Variants in PKD1 observed in about 807,000 individuals in gnomAD.
The protein encoded by PKD1 is polycystin-1.
Under a neutral mutation model 361.7 loss-of-function variants are expected in PKD1, and 81 were observed. That is an observed-to-expected ratio of 0.22 (90% CI 0.19 to 0.27). PKD1 has a LOEUF of 0.27. PKD1 is among the 10% of genes least tolerant of loss of function. PKD1 has a pLI of 1.00. For synonymous variants in PKD1, 3,615 were observed against 2,818.3 expected (o/e 1.28, Z -8.95); for missense variants, 6,399 against 6,118.3 (o/e 1.05, Z -1.53).
Position 2,107,963 on chromosome 16 carries a change from G to C in PKD1, c.6985C>G (p.Arg2329Gly). 1 of 1,548,098 alleles carries C rather than the reference G, an allele frequency of 6.5e-7. No individual in the cohort carries two copies. Among genetic ancestry groups the C allele is most frequent in the Non-Finnish European group, 8.7e-7 (1 of 1,147,088 alleles). The stretch of plus-strand genomic sequence containing the variant: ...GTGTACTCCACGCCAGCCGCCAGCC[G>C]CTCCCGTGGAATGGTGACCGTGCTG... Reference protein sequence around the residue: ...GSSTVTIPRERLAAGVEYTFS... With the variant: ...GSSTVTIPREGLAAGVEYTFS... Residue 2329 changes from arginine to glycine, a missense_variant, in exon 16 of 46, where the codon CGG becomes GGG. Coordinates refer to ENST00000262304, the MANE Select transcript of PKD1 (RefSeq NM_001009944.3).
intron 11 of PKD1, 44 bp from the exon 12 acceptor site, chr16:2,113,336 G>C (rs1274813344): frequency 1.0e-5 from 16 of 1,592,620 alleles, no homozygotes; most frequent in Non-Finnish European, 9.3e-6. Context: ...GGAGGACTCT[G>C]CCCTTAGCCT....
chr16:2,129,978 G>C (rs996302065), intron 1 of PKD1, among the ~76,000 whole-genome samples: 4 of 152,124 alleles, frequency 2.6e-5, no homozygotes, highest in Non-Finnish European at 5.9e-5. Flanking sequence ...GTGGGAGCTC[G>C]GGTGCCCCAC....
rs140154490 is a variant in PKD1 at position 2,090,558 on chromosome 16, G to A, written c.12171C>T (p.Ser4057=). ...ACAGCACCAACAGGGCCTGGGCCAC[G>A]CTCCAGAGGGAGTCCACACAGGAAG... is the stretch of plus-strand genomic sequence containing the variant. ...LVSSCVDSLW[S]VAQALLVLCP... The change falls in exon 45 of 46, where the codon AGC becomes AGT. Residue 4057 remains serine (S), a synonymous_variant. Transcript: ENST00000262304. The A allele has an allele frequency of 1.6e-5, 26 of 1,609,102 alleles. No individual in the cohort carries two copies. In the African/African-American group the frequency reaches 2.5e-4, roughly 16 times the overall value.
At position 2,100,717 on chromosome 16, in the gene PKD1, G is replaced by C; in HGVS notation, c.9398-151C>G. On this transcript the variant is annotated intron_variant, in intron 26 of 45. Transcript: ENST00000262304. The surrounding 1 kb of genome is among the most constrained non-coding windows in gnomAD (Gnocchi z 4.4). ...ACGGCTCTGCCATACACAAGGAGCT[G>C]CGGTTACTGCAATTTGTCCAATTAA... 1.6e-6 allele frequency: 1 copy of C among 640,828 alleles called. No homozygotes were observed. The highest frequency in any genetic ancestry group is 2.7e-5 in the East Asian group (1 of 37,320). The allele number at this position is 640,828 out of a possible 1,614,324, so 39.7% of individuals were successfully genotyped here.
At chr16:2,133,110 T>C (rs1421765021) in intron 1 of PKD1, 1 of 89,738 alleles carries the variant, frequency 1.1e-5, no homozygotes, top group African/African-American at 4.6e-5. Context: ...AAAAAACACA[T>C]GGGTCAGGAG....
In PKD1 at chr16:2,113,465, T is replaced by C. The variant is rs1481778453; in HGVS notation, c.2854-173A>G. 62 of 723,430 alleles carry C rather than the reference T, an allele frequency of 8.6e-5. No homozygotes were observed. In the East Asian group the frequency reaches 1.5e-3, roughly 18 times the overall value. The allele number at this position is 723,430 out of a possible 1,614,324, so 44.8% of individuals were successfully genotyped here. On this transcript the variant is annotated intron_variant, in intron 11 of 45. Coordinates refer to ENST00000262304, the MANE Select transcript of PKD1 (RefSeq NM_001009944.3). The stretch of plus-strand genomic sequence containing the variant: ...CAAGCCCGGGCTGGGACACTCACTG[T>C]CCGGCTCTCCAGCCAGCCATGTAGT...
intron 1 of PKD1, among the ~76,000 whole-genome samples, chr16:2,120,690 A>T (rs1360670136): frequency 6.6e-6 from 1 of 151,958 alleles, no homozygotes; most frequent in African/African-American, 2.4e-5. Flanking sequence ...CGACAGAGCA[A>T]GACCCGGTCT....
In PKD1 at chr16:2,109,045, C is replaced by T. The variant is rs751486062; in HGVS notation, c.6122G>A (p.Arg2041His). 3 of 1,607,934 alleles carry T rather than the reference C, an allele frequency of 1.9e-6. No homozygotes were observed. The highest frequency in any genetic ancestry group is 2.2e-5 in the South Asian group (2 of 90,974). The change falls in exon 15 of 46, where the codon CGC becomes CAC. Residue 2041 changes from arginine (R) to histidine (H), a missense_variant. Transcript: ENST00000262304. Reference protein sequence around the residue: ...VAAGLLEIQVRAFNALGSENR... With the variant: ...VAAGLLEIQVHAFNALGSENR... ...CTCACTGCCCAGGGCGTTGAAGGCGCGCACCTGGATCTCCAACAGCCCCGC... is the reference window on the plus strand; with the variant it reads ...CTCACTGCCCAGGGCGTTGAAGGCGTGCACCTGGATCTCCAACAGCCCCGC...
At position 2,089,583 on chromosome 16, in the gene PKD1, C is replaced by CACAG. The variant is rs777664625; in HGVS notation, c.*140_*143dup. 8.5e-6 allele frequency: 9 copies of CACAG among 1,052,732 alleles called. No individual in the cohort carries two copies. The highest frequency in any genetic ancestry group is 2.6e-5 in the East Asian group (1 of 38,204). 65.2% of individuals were successfully genotyped at this position (1,052,732 alleles called of 1,614,324 possible). A position where few individuals can be genotyped will look rare whatever the true frequency, so the allele number is the denominator to read the frequency against. The stretch of plus-strand genomic sequence containing the variant: ...ACAGCCTCTTTAAAGTGCTGAAGCC[C>CACAG]ACAGACAGACAGATGCCCCTGCCTG... On this transcript the variant is annotated 3_prime_UTR_variant, in exon 46 of 46. Transcript: ENST00000262304.
At chr16:2,096,882 G>A (rs919560923) in intron 34 of PKD1, 1 of 551,234 alleles carries the variant, frequency 1.8e-6, no homozygotes, top group African/African-American at 1.9e-5. Context: ...TAAAAACGTG[G>A]CCCCGGCCAG....
rs1461399170 is a variant in PKD1, at chr16:2,111,583, T to G, written c.3584A>C (p.Asn1195Thr). The change falls in exon 15 of 46, where the codon AAC becomes ACC. Residue 1195 changes from asparagine (N) to threonine (T), a missense_variant. Asn to Thr is a moderately conservative substitution (Grantham distance 65). Coordinates refer to ENST00000262304, the MANE Select transcript of PKD1 (RefSeq NM_001009944.3). ...CTGGGCCGCCGCACCGCTCACCGTG[T>G]TGTTGACCTCCAGGCGCACGTGGTA... ...GTYHVRLEVN[N>T]TVSGAAAQAD... is the part of the protein sequence containing the mutation. 1.9e-6 allele frequency: 3 copies of G among 1,575,690 alleles called. No individual in the cohort carries two copies. Among genetic ancestry groups the G allele is most frequent in the African/African-American group, 2.7e-5 (2 of 74,082 alleles).
rs779132513 is a variant in PKD1, at chr16:2,090,231, A to G, written c.12445-37T>C. 2.5e-6 allele frequency: 4 copies of G among 1,608,606 alleles called. No homozygotes were observed. In the African/African-American group the frequency reaches 5.4e-5, roughly 22 times the overall value. On this transcript the variant is annotated intron_variant, in intron 45 of 45. Transcript: ENST00000262304. The stretch of plus-strand genomic sequence containing the variant: ...ACAGGGGCTCAGTCAGTCCGGCTGC[A>G]CCCTGGGCAGAGCCCAGGGCGTGTC...
At chr16:2,122,627 A>G (rs2092739801) in intron 1 of PKD1, among the ~76,000 whole-genome samples, 1 of 152,236 alleles carries the variant, frequency 6.6e-6, no homozygotes. Context: ...AGCTGGACTC[A>G]CACCCACTGC....
chr16:2,100,346 C>A lies in PKD1; in HGVS notation c.9569-37G>T, dbSNP rs762180105. 2.4e-5 allele frequency: 39 copies of A among 1,610,008 alleles called. No individual in the cohort carries two copies. The Admixed American group carries it at 6.3e-4, about 26-fold the overall frequency. On this transcript the variant is annotated intron_variant, in intron 27 of 45. Transcript: ENST00000262304. This position sits in a 1 kb window ranked among gnomAD's most constrained non-coding sequence, Gnocchi z 4.4. ...CAGGAGGGAGGTCAGGCTCGCAGGG[C>A]GCCCCAATGCGGGGGCAGAGGGGCA...
rs1413875287 is a variant in PKD1, at chr16:2,110,980, T to A, written c.4187A>T (p.Asp1396Val). Reference protein sequence around the residue: ...QPERQFVQLGDEAWLVACAWP... With the variant: ...QPERQFVQLGVEAWLVACAWP... ...GGCACATGCCACCAGCCAGGCCTCG[T>A]CCCCGAGCTGCACAAACTGCCTCTC... The change falls in exon 15 of 46, where the codon GAC (aspartate) becomes GTC (valine). Residue 1396 changes from aspartate to valine, a missense_variant. Transcript: ENST00000262304. 2 of 1,610,452 alleles carry A rather than the reference T, an allele frequency of 1.2e-6. No homozygotes were observed.
rs1000780164 is a variant in PKD1, at chr16:2,118,574, G to GC, written c.529+101dup. ...CCCATGCTGTTCCCTTGGCCCGGAG[G>GC]CCCCCCCCAGAGAGGCCTTCCTGAG... On this transcript the variant is annotated intron_variant, in intron 4 of 45. Coordinates refer to ENST00000262304, the MANE Select transcript of PKD1 (RefSeq NM_001009944.3). This position sits in a 1 kb window ranked among gnomAD's most constrained non-coding sequence, Gnocchi z 6.0. 3.1e-4 allele frequency: 273 copies of GC among 894,774 alleles called. No individual in the cohort carries two copies. Among genetic ancestry groups the GC allele is most frequent in the South Asian group, 4.1e-4 (29 of 70,814 alleles). The allele number at this position is 894,774 out of a possible 1,614,324, so 55.4% of individuals were successfully genotyped here.
rs939352358 is a variant in PKD1 at position 2,114,678 on chromosome 16, A to G, written c.2345T>C (p.Leu782Pro). The change falls in exon 11 of 46, where the codon CTG (leucine) becomes CCG (proline). Residue 782 changes from leucine to proline, a missense_variant. Coordinates refer to ENST00000262304, the MANE Select transcript of PKD1 (RefSeq NM_001009944.3). ...LAATEQLTVL[L>P]GLRPNPGLRL... ...CAGTCCAGGGTTGGGCCTCAAGCCC[A>G]GCAGCACGGTGAGCTGTTCCGTGGC... is the stretch of plus-strand genomic sequence containing the variant. 3.8e-5 allele frequency: 59 copies of G among 1,542,734 alleles called. No homozygotes were observed. The highest frequency in any genetic ancestry group is 4.9e-5 in the Non-Finnish European group (56 of 1,152,206).
rs1859984917 is a variant in PKD1, at chr16:2,135,835, C to T, written c.-146G>A. On this transcript the variant is annotated 5_prime_UTR_variant, in exon 1 of 46. Coordinates refer to ENST00000262304, the MANE Select transcript of PKD1 (RefSeq NM_001009944.3). ...GACCTGCTGCTGAGCGACGCCCGCT[C>T]GGGGCTCGGGGCCAGGCCGCTCCGG... 1.8e-5 allele frequency: 5 copies of T among 277,542 alleles called. No homozygotes were observed. In the Admixed American group the frequency reaches 3.3e-4, roughly 18 times the overall value. 17.2% of individuals were successfully genotyped at this position (277,542 alleles called of 1,614,324 possible). A position where few individuals can be genotyped will look rare whatever the true frequency, so the allele number is the denominator to read the frequency against.
chr16:2,112,405 A>T lies in PKD1; in HGVS notation c.3230T>A (p.Val1077Asp). ...FQPPYNESFP[V>D]PDPSVAQVLV... ...CACCTGGGCCACCGAGGGGTCTGGA[A>T]CCGGGAAGGACTCGTTGTACGGAGG... Residue 1077 changes from valine to aspartate, a missense_variant, in exon 14 of 46, where the codon GTT becomes GAT. By Grantham distance (152) the Val-to-Asp change is radical (BLOSUM62 -3). Coordinates refer to ENST00000262304, the MANE Select transcript of PKD1 (RefSeq NM_001009944.3). The T allele has an allele frequency of 6.3e-7, 1 of 1,586,120 alleles. No individual in the cohort carries two copies. Among genetic ancestry groups the T allele is most frequent in the Non-Finnish European group, 8.5e-7 (1 of 1,173,058 alleles).
Sources: gnomAD v4.1 joint callset for allele counts (sites outside exome capture counted in the v4.1 genomes callset) on GRCh38, gnomAD v4.1.1 for gene constraint, Gnocchi (gnomAD v3.1) non-coding constraint, MANE v1.5 for transcripts, NCBI Gene and HGNC (gene_info 2026-07-23, HGNC 2026-07-21) for gene names.